TCOF1: variants seen among roughly 807,000 people sequenced by gnomAD.
TCOF1 encodes the protein treacle protein.
Under a neutral mutation model 149.0 loss-of-function variants are expected in TCOF1, and 33 were observed. The observed-to-expected ratio is 0.22, with a 90% confidence interval of 0.17 to 0.30. The LOEUF is 0.30. Ranked by LOEUF, TCOF1 falls within the 10% of genes least tolerant of loss-of-function variation. TCOF1 has a pLI of 1.00. For synonymous variants in TCOF1, 789 were observed against 738.8 expected, an observed-to-expected ratio of 1.07 and a Z score of -1.10; for missense variants, 1,728 against 1,840.7, an observed-to-expected ratio of 0.94 and a Z score of 1.12.
chr5:150,382,153 AG>A (rs1765347397), intron 17 of TCOF1, among the ~76,000 whole-genome samples: 1 of 151,446 alleles, frequency 6.6e-6, no homozygotes, highest in Non-Finnish European at 1.5e-5. Context: ...GAGCAGAGCA[AG>A]ACTCCATCTC....
chr5:150,375,547 C>T lies in TCOF1; in HGVS notation c.1697C>T (p.Pro566Leu), dbSNP rs776667705. 2.7e-5 allele frequency: 44 copies of T among 1,614,074 alleles called. No individual in the cohort carries two copies. Among genetic ancestry groups the T allele is most frequent in the Non-Finnish European group, 3.1e-5 (36 of 1,179,962 alleles). The change falls in exon 11 of 27, where the codon CCG becomes CTG. Residue 566 changes from proline (P) to leucine (L), a missense_variant. By Grantham distance (98) the Pro-to-Leu change is moderately conservative (BLOSUM62 -3). Transcript: ENST00000643257. ...SDGEVPTAVA[P>L]AQEKSLGNIL... ...GGAGAGGTGCCCACAGCTGTGGCCC[C>T]GGCTCAGGTGAGGCCCCTTCCTGTA... is the stretch of plus-strand genomic sequence containing the variant.
intron 1 of TCOF1, 54 bp downstream of exon 1, chr5:150,357,908 G>T: frequency 6.6e-7 from 1 of 1,517,820 alleles, no homozygotes; most frequent in Admixed American, 2.0e-5. Flanking sequence ...GGAGATCAGC[G>T]GCCCGCGGCC....
intron 3 of TCOF1, among the ~76,000 whole-genome samples, chr5:150,365,298 T>C: frequency 6.6e-6 from 1 of 150,730 alleles, no homozygotes; most frequent in East Asian, 1.9e-4. Context: ...TTCACAATGT[T>C]AGCCAGACTA....
chr5:150,391,693 A>G (rs758359617), intron 20 of TCOF1, 36 bp downstream of exon 20: 271 of 1,586,330 alleles, frequency 1.7e-4, no homozygotes, highest in Middle Eastern at 1.4e-3. Flanking sequence ...AAGCCCACGG[A>G]GCGTAGAAGG....
In TCOF1 at chr5:150,374,982, T is replaced by C; in HGVS notation, c.1307T>C (p.Val436Ala). Residue 436 changes from valine to alanine, a missense_variant, in exon 10 of 27, where the codon GTC becomes GCC. By Grantham distance (64) the Val-to-Ala change is moderately conservative. Transcript: ENST00000643257. Reference protein sequence around the residue: ...QAKPSGKAPQVRAASAPAKES... With the variant: ...QAKPSGKAPQARAASAPAKES... ...AAGCCTTCAGGGAAGGCCCCCCAGG[T>C]CAGAGCCGCCTCGGCCCCTGCCAAG... 6.2e-7 allele frequency: 1 copy of C among 1,612,490 alleles called. No homozygotes were observed. The highest frequency in any genetic ancestry group is 8.5e-7 in the Non-Finnish European group (1 of 1,179,694).
At position 150,363,147 on chromosome 5, in the gene TCOF1, T is replaced by G. The variant is rs530319051; in HGVS notation, c.165-966T>G. On this transcript the variant is annotated intron_variant, in intron 2 of 26. Coordinates refer to ENST00000643257, the MANE Select transcript of TCOF1 (RefSeq NM_001371623.1). ...GCCTCAGTATTTATTAAGCATCTAC[T>G]ACAACCCAGCAATATTCTTGATATA... Among the ~76,000 whole-genome samples the G allele has an allele frequency of 5.3e-5, 8 of 152,268 alleles. No individual in the cohort carries two copies. In the East Asian group the frequency reaches 1.5e-3, roughly 29 times the overall value.
rs1193073819 is a variant in TCOF1, at chr5:150,379,292, C to T, written c.2542C>T (p.Pro848Ser). The T allele has an allele frequency of 1.2e-6, 2 of 1,614,202 alleles. No homozygotes were observed. The highest frequency in any genetic ancestry group is 1.7e-6 in the Non-Finnish European group (2 of 1,180,038). ...TVLARGPASVPSVGKAVATAA... is the reference protein window; with the variant it reads ...TVLARGPASVSSVGKAVATAA... The stretch of plus-strand genomic sequence containing the variant: ...CTTGGCGAGGGGCCCAGCATCTGTG[C>T]CATCTGTGGGGAAGGCCGTGGCTAC... Residue 848 changes from proline to serine, a missense_variant, in exon 16 of 27, where the codon CCA (proline) becomes TCA (serine). Physicochemically the swap from Pro to Ser is moderately conservative, Grantham distance 74 (BLOSUM62 -1). Around this residue, in one of 2 missense-constraint regions of TCOF1, gnomAD observed 1,696 missense variants for 1,765.4 expected, o/e 0.96. Coordinates refer to ENST00000643257, the MANE Select transcript of TCOF1 (RefSeq NM_001371623.1).
chr5:150,371,267 T>A (rs1762461314), intron 6 of TCOF1, among the ~76,000 whole-genome samples: 1 of 152,116 alleles, frequency 6.6e-6, no homozygotes, highest in African/African-American at 2.4e-5. Flanking sequence ...TACCAAGGGC[T>A]GCCCTCCACC....
At position 150,375,794 on chromosome 5, in the gene TCOF1, G is replaced by A; in HGVS notation, c.1778G>A (p.Gly593Glu). ...GCCAAGGGGCCCCCTCAGAAGGCAGGGCCTGTAGCCGTCCAGGTCAAGGCT... is the reference window on the plus strand; with the variant it reads ...GCCAAGGGGCCCCCTCAGAAGGCAGAGCCTGTAGCCGTCCAGGTCAAGGCT... ...SPAKGPPQKAGPVAVQVKAEK... is the reference protein window; with the variant it reads ...SPAKGPPQKAEPVAVQVKAEK... Residue 593 changes from glycine to glutamate, a missense_variant, in exon 12 of 27, where the codon GGG becomes GAG. Coordinates refer to ENST00000643257, the MANE Select transcript of TCOF1 (RefSeq NM_001371623.1). 1.2e-6 allele frequency: 2 copies of A among 1,614,252 alleles called. No individual in the cohort carries two copies. The highest frequency in any genetic ancestry group is 1.7e-6 in the Non-Finnish European group (2 of 1,180,038).
chr5:150,390,681 G>T (rs1396819734), intron 19 of TCOF1, among the ~76,000 whole-genome samples: 2 of 151,734 alleles, frequency 1.3e-5, no homozygotes, highest in Non-Finnish European at 2.9e-5. Flanking sequence ...TTGGGGGGCG[G>T]TGGGGCTGGT....
At chr5:150,367,688 G>C (rs1196305555) in intron 3 of TCOF1, 156 bp from the exon 4 acceptor site, 1 of 787,588 alleles carries the variant, frequency 1.3e-6, no homozygotes, top group Admixed American at 2.0e-5. Flanking sequence ...ATGCATCACA[G>C]AGCTCATTCC....
Position 150,379,023 on chromosome 5 carries a change from A to C in TCOF1, c.2459A>C (p.Lys820Thr). 6.2e-7 allele frequency: 1 copy of C among 1,614,054 alleles called. No individual in the cohort carries two copies. Among genetic ancestry groups the C allele is most frequent in the Non-Finnish European group, 8.5e-7 (1 of 1,179,990 alleles). Residue 820 changes from lysine (K) to threonine (T), a missense_variant, in exon 15 of 27, where the codon AAG becomes ACG. Around this residue, in one of 2 missense-constraint regions of TCOF1, gnomAD observed 1,696 missense variants for 1,765.4 expected, o/e 0.96. Transcript: ENST00000643257. ...GTTGTCACTGCAGCTGCTCAAGCCA[A>C]GCAGAGGTCTCCATCCAAGGCAAGT... ...GKVVTAAAQA[K>T]QRSPSKVKPP...
intron 23 of TCOF1, 131 bp downstream of exon 23, chr5:150,393,683 C>G (rs1767877965): frequency 8.1e-7 from 1 of 1,227,194 alleles, no homozygotes; most frequent in Non-Finnish European, 1.2e-6. Context: ...CCAAGTGAGA[C>G]CTTGTGGCCT....
At chr5:150,383,709 C>G (rs1765700286) in intron 17 of TCOF1, 5 of 1,550,898 alleles carry the variant, frequency 3.2e-6, no homozygotes, top group Non-Finnish European at 4.4e-6. Flanking sequence ...GGTCCCCTGG[C>G]TCCCTGTATC....
At chr5:150,397,867 G>T (rs1175936214) in intron 24 of TCOF1, among the ~76,000 whole-genome samples, 1 of 152,218 alleles carries the variant, frequency 6.6e-6, no homozygotes, top group Non-Finnish European at 1.5e-5. Context: ...TCATGAGCTG[G>T]CCTCCAGGGG....
Position 150,367,888 on chromosome 5 carries a change from T to C in TCOF1, c.349T>C (p.Leu117=). 6.2e-7 allele frequency: 1 copy of C among 1,614,200 alleles called. No homozygotes were observed. Among genetic ancestry groups the C allele is most frequent in the South Asian group, 1.1e-5 (1 of 91,076 alleles). The change falls in exon 4 of 27, where the codon TTG becomes CTG. Residue 117 remains leucine (L), a synonymous_variant. Coordinates refer to ENST00000643257, the MANE Select transcript of TCOF1 (RefSeq NM_001371623.1). The part of the protein sequence containing the change: ...STNSSVLGAD[L]PSSMKEKAKA... ...CAACTCCTCAGTCCTGGGGGCGGAC[T>C]TGCCATCAAGCATGAAAGAAAAAGC...
chr5:150,393,750 A>G lies in TCOF1; in HGVS notation c.3784+198A>G, dbSNP rs545014075. On this transcript the variant is annotated intron_variant, in intron 23 of 26. Transcript: ENST00000643257. ...CAGGTGGGGCCAGGTGCAGTGGCTC[A>G]TGCCCATAATCCCAGCACTTTGGGA... The G allele has an allele frequency of 1.1e-4, 81 of 709,062 alleles. No homozygotes were observed. The African/African-American group carries it at 1.4e-3, about 12-fold the overall frequency. The allele number at this position is 709,062 out of a possible 1,614,324, so 43.9% of individuals were successfully genotyped here.
intron 24 of TCOF1, 43 bp downstream of exon 24, chr5:150,396,885 C>T (rs574654953): frequency 1.3e-6 from 2 of 1,558,714 alleles, no homozygotes; most frequent in South Asian, 2.4e-5. Flanking sequence ...GGCTGCTGGG[C>T]ACCCCACGGG....
intron 25 of TCOF1, among the ~76,000 whole-genome samples, chr5:150,398,765 G>A (rs572121983): frequency 4.0e-4 from 61 of 152,384 alleles, no homozygotes; most frequent in African/African-American, 1.4e-3. Flanking sequence ...TGCCCCAGCT[G>A]GCAGGCTAGC....
Sources: gnomAD v4.1 joint callset for allele counts (sites outside exome capture counted in the v4.1 genomes callset) on GRCh38, gnomAD v4.1.1 for gene constraint, gnomAD v4.1.1 regional missense constraint, MANE v1.5 for transcripts, NCBI Gene and HGNC (gene_info 2026-07-23, HGNC 2026-07-21) for gene names.